Variants in SIL1 observed in about 807,000 individuals in gnomAD.
SIL1 encodes the protein nucleotide exchange factor SIL1.
Under a neutral mutation model 49.1 loss-of-function variants are expected in SIL1, and 40 were observed. The observed-to-expected ratio is 0.81, with a 90% confidence interval of 0.63 to 1.06. SIL1 has a LOEUF of 1.06. Among genes scored for constraint, SIL1 ranks in the 50% least tolerant of loss-of-function variants. The pLI is 0.00. For missense variants in SIL1, 500 were observed against 572.6 expected (o/e 0.87, Z 1.29); for synonymous variants, 253 against 250.8 (o/e 1.01, Z -0.08).
chr5:139,002,329 T>C (rs1768005393), intron 7 of SIL1, among the ~76,000 whole-genome samples: 1 of 152,212 alleles, frequency 6.6e-6, no homozygotes, highest in Non-Finnish European at 1.5e-5. Context: ...TAATATCTTA[T>C]TTCTTTAAAA....
At chr5:139,029,592 C>G (rs1759958868) in intron 5 of SIL1, among the ~76,000 whole-genome samples, 1 of 151,912 alleles carries the variant, frequency 6.6e-6, no homozygotes. Flanking sequence ...GTCTCACCCT[C>G]CTGGACTCAA....
chr5:138,997,395 T>C (rs1767893207), intron 7 of SIL1, among the ~76,000 whole-genome samples: 2 of 152,234 alleles, frequency 1.3e-5, no homozygotes, highest in South Asian at 4.1e-4. Flanking sequence ...AGACTGTCCT[T>C]TGCCCATTGG....
chr5:138,957,738 A>T (rs1385764405), intron 7 of SIL1, among the ~76,000 whole-genome samples: 2 of 152,154 alleles, frequency 1.3e-5, no homozygotes, highest in Non-Finnish European at 2.9e-5. Context: ...GAGTAATTGA[A>T]GATATGAAGA....
chr5:139,041,856 G>T (rs1769055958), intron 5 of SIL1, among the ~76,000 whole-genome samples: 1 of 151,450 alleles, frequency 6.6e-6, no homozygotes, highest in Admixed American at 6.6e-5. Flanking sequence ...AATGGGGACT[G>T]TAAGGAGAAG....
chr5:138,950,406 C>T (rs559793133), intron 9 of SIL1, among the ~76,000 whole-genome samples: 48 of 152,268 alleles, frequency 3.2e-4, no homozygotes, highest in African/African-American at 7.7e-4. Flanking sequence ...ACAGCCATCC[C>T]GACACTGCCT....
intron 1 of SIL1, among the ~76,000 whole-genome samples, chr5:139,183,089 C>G (rs1292651950): frequency 2.6e-5 from 4 of 152,158 alleles, no homozygotes; most frequent in African/African-American, 9.7e-5. Flanking sequence ...GATGAACTAA[C>G]TAAGTTTACA....
chr5:138,989,579 G>A (rs1186317321), intron 7 of SIL1, among the ~76,000 whole-genome samples: 1 of 152,112 alleles, frequency 6.6e-6, no homozygotes, highest in Non-Finnish European at 1.5e-5. Flanking sequence ...AAGGAAAGGA[G>A]AGAGATACGG....
chr5:139,144,103 C>A (rs1751146381), intron 1 of SIL1, among the ~76,000 whole-genome samples: 1 of 152,136 alleles, frequency 6.6e-6, no homozygotes, highest in Non-Finnish European at 1.5e-5. Flanking sequence ...AATGGAAAAA[C>A]CCATCCTAAA....
chr5:138,956,569 C>A (rs1766906876), intron 7 of SIL1, among the ~76,000 whole-genome samples: 2 of 152,048 alleles, frequency 1.3e-5, no homozygotes, highest in South Asian at 2.1e-4. Flanking sequence ...CATGGTGAAA[C>A]CCCGTCTCTA....
At chr5:139,066,877 G>C (rs1267301953) in intron 3 of SIL1, among the ~76,000 whole-genome samples, 1 of 152,006 alleles carries the variant, frequency 6.6e-6, no homozygotes, top group Non-Finnish European at 1.5e-5. Flanking sequence ...GATAATTTTT[G>C]TATTTTTGTA....
At chr5:138,965,364 T>G (rs939491409) in intron 7 of SIL1, among the ~76,000 whole-genome samples, 2 of 152,180 alleles carry the variant, frequency 1.3e-5, no homozygotes, top group Non-Finnish European at 2.9e-5. Context: ...GGGATTTACT[T>G]CTTTGAGTCT....
chr5:138,978,859 A>C (rs979214967), intron 7 of SIL1, among the ~76,000 whole-genome samples: 1 of 151,990 alleles, frequency 6.6e-6, no homozygotes, highest in African/African-American at 2.4e-5. Context: ...CTATTTTTTA[A>C]TTGGGTTGTC....
chr5:139,082,190 G>A (rs1229664323), intron 3 of SIL1, among the ~76,000 whole-genome samples: 2 of 152,184 alleles, frequency 1.3e-5, no homozygotes, highest in Admixed American at 1.3e-4. Flanking sequence ...TTACCAAACA[G>A]AAATTACCAG....
chr5:138,993,118 G>C (rs1371898175), intron 7 of SIL1, among the ~76,000 whole-genome samples: 2 of 152,100 alleles, frequency 1.3e-5, no homozygotes, highest in Admixed American at 1.3e-4. Flanking sequence ...AAGGCACTAC[G>C]TTTTGGCCAA....
intron 5 of SIL1, among the ~76,000 whole-genome samples, chr5:139,033,226 C>T (rs1270818869): frequency 6.6e-6 from 1 of 152,028 alleles, no homozygotes; most frequent in Admixed American, 6.6e-5. Context: ...AACTCCTGAC[C>T]TCAGGTGATC....
chr5:139,030,692 C>T (rs1041864615), intron 5 of SIL1, among the ~76,000 whole-genome samples: 5 of 150,964 alleles, frequency 3.3e-5, no homozygotes, highest in African/African-American at 1.2e-4. Context: ...TTGTAGAAAA[C>T]ATAGACCATT....
intron 7 of SIL1, among the ~76,000 whole-genome samples, chr5:138,968,467 G>A (rs950187279): frequency 9.9e-5 from 15 of 152,056 alleles, no homozygotes; most frequent in Admixed American, 6.5e-5. Flanking sequence ...GCCTCTGCCT[G>A]AGCGCCCTGC....
At chr5:139,169,845 C>CCCATGGTCTCCCTCTCCCTCTTT (rs1751702796) in intron 1 of SIL1, among the ~76,000 whole-genome samples, 2 of 84,066 alleles carry the variant, frequency 2.4e-5, no homozygotes, top group Admixed American at 1.3e-4. Context: ...TCTCCCTCTC[C>CCCATGGTCTCCCTCTCCCTCTTT]CCACGGTCTC....
chr5:139,041,767 G>A (rs182228427), intron 5 of SIL1, among the ~76,000 whole-genome samples: 69 of 146,886 alleles, frequency 4.7e-4, no homozygotes, highest in African/African-American at 1.6e-3. Context: ...TCGTACCACC[G>A]CACAAACAAC....
Sources: allele counts gnomAD v4.1 joint callset (sites outside exome capture counted in the v4.1 genomes callset), GRCh38; gene constraint gnomAD v4.1.1; transcripts MANE v1.5; gene names NCBI Gene and HGNC (gene_info 2026-07-23, HGNC 2026-07-21).